The following CALCR variants were observed in gnomAD, a reference collection of about 807,000 sequenced individuals.
The protein encoded by CALCR is calcitonin receptor.
In CALCR, 47 loss-of-function variants were observed where a neutral mutation model predicts 59.5. The observed-to-expected ratio is 0.79, with a 90% confidence interval of 0.63 to 1.01. The LOEUF (loss-of-function observed/expected upper bound fraction) is 1.01, where lower values mean the gene tolerates loss of function less well. Among genes scored for constraint, CALCR ranks in the 50% least tolerant of loss-of-function variants. The pLI is 0.00. For missense variants in CALCR, 566 were observed against 597.1 expected, an observed-to-expected ratio of 0.95 and a Z score of 0.54; for synonymous variants, 213 against 211.3, an observed-to-expected ratio of 1.01 and a Z score of -0.07.
intron 5 of CALCR, among the ~76,000 whole-genome samples, chr7:93,477,240 C>T (rs1236637205): frequency 1.3e-5 from 2 of 151,756 alleles, no homozygotes; most frequent in Non-Finnish European, 2.9e-5. Context: ...GATTTCTACC[C>T]CTTTTTCAGT....
chr7:93,494,698 C>T (rs1441604143), intron 2 of CALCR, among the ~76,000 whole-genome samples: 1 of 151,210 alleles, frequency 6.6e-6, no homozygotes, highest in Non-Finnish European at 1.5e-5. Flanking sequence ...TGAAAAAAAG[C>T]ACTTTATGGT....
intron 2 of CALCR, among the ~76,000 whole-genome samples, chr7:93,513,103 A>T (rs943371204): frequency 6.6e-6 from 1 of 152,170 alleles, no homozygotes; most frequent in Non-Finnish European, 1.5e-5. Flanking sequence ...TCTGCACTCT[A>T]GAAAGCCTGG....
intron 2 of CALCR, among the ~76,000 whole-genome samples, chr7:93,515,732 A>C (rs1424702566): frequency 6.6e-6 from 1 of 152,004 alleles, no homozygotes; most frequent in Non-Finnish European, 1.5e-5. Flanking sequence ...ATGCACATTC[A>C]AATTTGTAGA....
At chr7:93,498,874 C>A (rs967266809) in intron 2 of CALCR, among the ~76,000 whole-genome samples, 1 of 151,544 alleles carries the variant, frequency 6.6e-6, no homozygotes, top group Non-Finnish European at 1.5e-5. Flanking sequence ...TTCCTTGTAA[C>A]TTTTCAACTT....
chr7:93,459,611 C>T (rs910237570), intron 8 of CALCR, among the ~76,000 whole-genome samples: 1 of 152,076 alleles, frequency 6.6e-6, no homozygotes, highest in Non-Finnish European at 1.5e-5. Flanking sequence ...GTATATTCCT[C>T]GGCTCCACCT....
At chr7:93,438,550 T>C (rs992869385) in intron 9 of CALCR, among the ~76,000 whole-genome samples, 1 of 152,210 alleles carries the variant, frequency 6.6e-6, no homozygotes, top group Non-Finnish European at 1.5e-5. Context: ...ATGACTATTA[T>C]TACCATTGTT....
chr7:93,509,315 C>T (rs2116038128), intron 2 of CALCR, among the ~76,000 whole-genome samples: 2 of 152,210 alleles, frequency 1.3e-5, no homozygotes, highest in South Asian at 4.2e-4. Context: ...CCTAGAGTTG[C>T]AGGCAACTCT....
intron 2 of CALCR, among the ~76,000 whole-genome samples, chr7:93,561,272 A>T (rs764288520): frequency 6.6e-6 from 1 of 152,154 alleles, no homozygotes; most frequent in Non-Finnish European, 1.5e-5. Flanking sequence ...ATAAAAATAT[A>T]TTCACACACT....
chr7:93,491,931 A>G (rs1801087032), intron 2 of CALCR, among the ~76,000 whole-genome samples: 1 of 151,866 alleles, frequency 6.6e-6, no homozygotes, highest in African/African-American at 2.4e-5. Flanking sequence ...AAATCATTCA[A>G]CTATAAAGAC....
intron 2 of CALCR, among the ~76,000 whole-genome samples, chr7:93,565,095 T>A (rs767548323): frequency 1.7e-4 from 26 of 152,236 alleles, no homozygotes; most frequent in Non-Finnish European, 2.9e-4. Flanking sequence ...AGTACATTAA[T>A]GCACATATTT....
intron 7 of CALCR, among the ~76,000 whole-genome samples, chr7:93,463,891 CAT>C (rs1057142100): frequency 6.6e-6 from 1 of 151,828 alleles, no homozygotes; most frequent in African/African-American, 2.4e-5. Flanking sequence ...ATGGACAGAA[CAT>C]TGCTTATTAT....
chr7:93,507,703 C>G (rs567768189), intron 2 of CALCR, among the ~76,000 whole-genome samples: 1 of 144,878 alleles, frequency 6.9e-6, no homozygotes, highest in Non-Finnish European at 1.5e-5. Context: ...GTCAGGAGAT[C>G]GAGACCATCC....
At chr7:93,523,735 A>G (rs1584605342) in intron 2 of CALCR, among the ~76,000 whole-genome samples, 2 of 152,084 alleles carry the variant, frequency 1.3e-5, no homozygotes, top group East Asian at 3.9e-4. Flanking sequence ...ATTTTTTTCT[A>G]TTTTTATAAG....
chr7:93,483,411 A>G (rs1268692189), intron 3 of CALCR, among the ~76,000 whole-genome samples: 2 of 13,544 alleles, frequency 1.5e-4, no homozygotes, highest in African/African-American at 4.3e-4. Flanking sequence ...CTGACTGTAT[A>G]GATAGATAGA....
rs1273568542 is a variant in CALCR, at chr7:93,509,844, A to T, written c.-26-22837T>A. 2.0e-5 allele frequency among the ~76,000 whole-genome samples: 3 copies of T among 152,158 alleles called. No homozygotes were observed. In the South Asian group the frequency reaches 6.2e-4, roughly 31 times the overall value. ...AAATTCCTATGGTAAAATTAGAAATATTTAAGTTGAATCCCAAAAAGTGGA... is the reference window on the plus strand; with the variant it reads ...AAATTCCTATGGTAAAATTAGAAATTTTTAAGTTGAATCCCAAAAAGTGGA... On this transcript the variant is annotated intron_variant, in intron 2 of 13. Coordinates refer to ENST00000426151, the MANE Select transcript of CALCR (RefSeq NM_001742.4).
chr7:93,551,414 G>T (rs1789454323), intron 2 of CALCR, among the ~76,000 whole-genome samples: 1 of 152,248 alleles, frequency 6.6e-6, no homozygotes. Flanking sequence ...ATTTATTACC[G>T]AGGACTTTTT....
At chr7:93,561,250 C>T (rs1259211404) in intron 2 of CALCR, among the ~76,000 whole-genome samples, 1 of 152,090 alleles carries the variant, frequency 6.6e-6, no homozygotes, top group East Asian at 1.9e-4. Context: ...TGTATCTGAA[C>T]AGTGCTATTC....
chr7:93,540,889 T>C lies in CALCR; in HGVS notation c.-27+33400A>G, dbSNP rs185538600. ...CTCTGTAAATCAACTTAATTCAGCA[T>C]CTCTCTTTGCCCACTCATAATCAAT... is the stretch of plus-strand genomic sequence containing the variant. On this transcript the variant is annotated intron_variant, in intron 2 of 13. Transcript: ENST00000426151. Among the ~76,000 whole-genome samples, 378 of 151,722 alleles carry C rather than the reference T, an allele frequency of 2.5e-3. 4 individuals carry two copies. The Middle Eastern group carries it at 0.031, about 12-fold the overall frequency.
intron 2 of CALCR, among the ~76,000 whole-genome samples, chr7:93,495,663 T>C (rs559937696): frequency 4.6e-4 from 69 of 151,536 alleles, no homozygotes; most frequent in African/African-American, 1.6e-3. Context: ...CTCAGTAATC[T>C]GGCTCCTTAG....
Sources: gnomAD v4.1 joint callset for allele counts (sites outside exome capture counted in the v4.1 genomes callset) on GRCh38, gnomAD v4.1.1 for gene constraint, MANE v1.5 for transcripts, NCBI Gene and HGNC (gene_info 2026-07-23, HGNC 2026-07-21) for gene names.